WDR72: variants seen among roughly 807,000 people sequenced by gnomAD.
WDR72 encodes WD repeat domain 72, also known as WD repeat-containing protein 72.
In WDR72, 120 loss-of-function variants were observed where a neutral mutation model predicts 124.2. The observed-to-expected ratio is 0.97, with a 90% CI of 0.83 to 1.12. WDR72 has a LOEUF of 1.12. Among genes scored for constraint, WDR72 ranks in the 50% most tolerant of loss-of-function variants. The pLI is 0.00. For synonymous variants in WDR72, 452 were observed against 441.7 expected, an observed-to-expected ratio of 1.02 and a Z score of -0.29; for missense variants, 1,387 against 1,278.8, an observed-to-expected ratio of 1.08 and a Z score of -1.29.
intron 19 of WDR72, among the ~76,000 whole-genome samples, chr15:53,519,276 T>TAAGA (rs1021375457): frequency 6.6e-6 from 1 of 152,062 alleles, no homozygotes; most frequent in Non-Finnish European, 1.5e-5. Flanking sequence ...AAAGAAACAG[T>TAAGA]AAGAAGTTAA....
chr15:53,553,761 G>A (rs2060524412), intron 18 of WDR72, among the ~76,000 whole-genome samples: 1 of 152,150 alleles, frequency 6.6e-6, no homozygotes, highest in African/African-American at 2.4e-5. Context: ...GGATGTAGAA[G>A]TACAAGGTAT....
At chr15:53,595,283 ATCAACAGT>A (rs59114059) in intron 18 of WDR72, among the ~76,000 whole-genome samples, 20,802 of 151,968 alleles carry the variant, frequency 0.14, 2,180 homozygotes, top group African/African-American at 0.3. Context: ...ATTCTATACT[ATCAACAGT>A]TCTTTCTTTA....
intron 2 of WDR72, among the ~76,000 whole-genome samples, chr15:53,728,505 T>C (rs2018108497): frequency 1.3e-5 from 2 of 152,192 alleles, no homozygotes; most frequent in African/African-American, 2.4e-5. Context: ...GCTCAAAGAA[T>C]ATAAGTCATT....
intron 18 of WDR72, among the ~76,000 whole-genome samples, chr15:53,529,164 A>ATATATATATATATTTTTTTTTT (rs59003623): frequency 1.3e-5 from 1 of 78,164 alleles, no homozygotes; most frequent in African/African-American, 5.0e-5. Flanking sequence ...ATATATATAT[A>ATATATATATATATTTTTTTTTT]TTTTTTTTTT....
At chr15:53,629,145 C>T (rs2014320886) in intron 14 of WDR72, among the ~76,000 whole-genome samples, 1 of 151,786 alleles carries the variant, frequency 6.6e-6, no homozygotes, top group African/African-American at 2.4e-5. Context: ...GGTATGCAGA[C>T]ACCTACCTAA....
chr15:53,637,935 T>C (rs1384197722), intron 14 of WDR72, among the ~76,000 whole-genome samples: 2 of 152,216 alleles, frequency 1.3e-5, no homozygotes, highest in African/African-American at 4.8e-5. Flanking sequence ...ATTCCTTCAA[T>C]GGGGGGTGGG....
chr15:53,683,889 T>C (rs1223679678), intron 13 of WDR72, among the ~76,000 whole-genome samples: 1 of 152,130 alleles, frequency 6.6e-6, no homozygotes, highest in Non-Finnish European at 1.5e-5. Context: ...ATTGAGTAAT[T>C]CAAAATCTCT....
At chr15:53,576,901 G>A (rs547353636) in intron 18 of WDR72, among the ~76,000 whole-genome samples, 3 of 152,290 alleles carry the variant, frequency 2.0e-5, no homozygotes, top group African/African-American at 7.2e-5. Flanking sequence ...GTTTTTATAT[G>A]TTGGAAATTT....
intron 14 of WDR72, among the ~76,000 whole-genome samples, chr15:53,621,063 A>G (rs1219848010): frequency 6.6e-6 from 1 of 152,084 alleles, no homozygotes. Flanking sequence ...CAACATCACT[A>G]ATGATCAGGA....
intron 2 of WDR72, among the ~76,000 whole-genome samples, chr15:53,726,712 C>T (rs1279016611): frequency 2.0e-5 from 3 of 151,778 alleles, no homozygotes; most frequent in Admixed American, 1.3e-4. Context: ...GGCATGGTGG[C>T]GCACATCTGT....
At chr15:53,636,293 T>A (rs1849223692) in intron 14 of WDR72, among the ~76,000 whole-genome samples, 1 of 152,198 alleles carries the variant, frequency 6.6e-6, no homozygotes, top group Admixed American at 6.5e-5. Flanking sequence ...ATTTGAGGTT[T>A]CCTTTGTCAA....
chr15:53,597,352 C>G, intron 17 of WDR72, 78 bp from the exon 18 acceptor site: 1 of 1,440,658 alleles, frequency 6.9e-7, no homozygotes, highest in South Asian at 1.2e-5. Flanking sequence ...ATCCAAAGCC[C>G]GGAATTTAAA....
intron 13 of WDR72, among the ~76,000 whole-genome samples, chr15:53,681,742 G>T (rs181596722): frequency 6.6e-6 from 1 of 152,030 alleles, no homozygotes; most frequent in African/African-American, 2.4e-5. Flanking sequence ...ATGTTCTGAA[G>T]ACATCCTGCA....
chr15:53,675,817 T>C (rs2016154159), intron 13 of WDR72, among the ~76,000 whole-genome samples: 1 of 152,160 alleles, frequency 6.6e-6, no homozygotes, highest in Non-Finnish European at 1.5e-5. Flanking sequence ...TGGGGTATGG[T>C]CTCTTGAATA....
intron 13 of WDR72, among the ~76,000 whole-genome samples, chr15:53,684,887 A>G (rs988879229): frequency 3.9e-5 from 6 of 152,228 alleles, no homozygotes; most frequent in African/African-American, 7.2e-5. Context: ...CTGCCTCCTC[A>G]AGTGGGTGCC....
At chr15:53,751,567 G>A (rs1294627354) in intron 1 of WDR72, among the ~76,000 whole-genome samples, 3 of 152,116 alleles carry the variant, frequency 2.0e-5, no homozygotes, top group African/African-American at 7.2e-5. Flanking sequence ...TTGCTTTACT[G>A]CAATATTCAC....
intron 17 of WDR72, among the ~76,000 whole-genome samples, chr15:53,608,895 C>CA (rs1194314205): frequency 6.6e-6 from 1 of 151,532 alleles, no homozygotes; most frequent in African/African-American, 2.4e-5. Flanking sequence ...TAATAGGTGC[C>CA]AAAAAATGTT....
chr15:53,626,274 C>T (rs2014204194), intron 14 of WDR72, among the ~76,000 whole-genome samples: 1 of 152,178 alleles, frequency 6.6e-6, no homozygotes, highest in South Asian at 2.1e-4. Flanking sequence ...CCGTGGGTCA[C>T]GGAAGAGAAC....
chr15:53,595,351 C>G (rs2012722762), intron 18 of WDR72, among the ~76,000 whole-genome samples: 1 of 152,092 alleles, frequency 6.6e-6, no homozygotes, highest in East Asian at 1.9e-4. Context: ...CTCCTAGGCT[C>G]AAACCATCCT....
Sources: allele counts gnomAD v4.1 joint callset (sites outside exome capture counted in the v4.1 genomes callset), GRCh38; gene constraint gnomAD v4.1.1; transcripts MANE v1.5; gene names NCBI Gene and HGNC (gene_info 2026-07-23, HGNC 2026-07-21).